BBS9: variants seen among roughly 807,000 people sequenced by gnomAD.
BBS9 encodes Bardet-Biedl syndrome 9, also known as protein PTHB1.
A neutral mutation model predicts 117.7 loss-of-function variants in BBS9; 89 were observed. The ratio of observed to expected loss-of-function variants is 0.76; its 90% CI spans 0.64 to 0.90. The LOEUF is 0.90. BBS9 is among the 40% of genes least tolerant of loss of function. The pLI, the probability that BBS9 is intolerant of heterozygous loss-of-function variation, is 0.00. For synonymous variants in BBS9, 379 were observed against 370.9 expected (o/e 1.02, Z -0.25); for missense variants, 982 against 1,042.2 (o/e 0.94, Z 0.80).
At chr7:33,136,906 A>G (rs1300263740) in intron 1 of BBS9, among the ~76,000 whole-genome samples, 1 of 151,956 alleles carries the variant, frequency 6.6e-6, no homozygotes, top group Non-Finnish European at 1.5e-5. Flanking sequence ...ATTTTGCTTT[A>G]ATTGTTTAGT....
chr7:33,499,103 A>G (rs1845112897), intron 19 of BBS9, among the ~76,000 whole-genome samples: 1 of 152,218 alleles, frequency 6.6e-6, no homozygotes, highest in Non-Finnish European at 1.5e-5. Flanking sequence ...TCATAATGCT[A>G]TTTTATAGAT....
At chr7:33,545,521 CT>C (rs1853165699) in intron 21 of BBS9, among the ~76,000 whole-genome samples, 1 of 152,146 alleles carries the variant, frequency 6.6e-6, no homozygotes. Context: ...CCCTTTCCCA[CT>C]TCTGCAGTTG....
intron 21 of BBS9, among the ~76,000 whole-genome samples, chr7:33,535,239 C>A (rs1374211411): frequency 6.6e-6 from 1 of 152,084 alleles, no homozygotes; most frequent in Non-Finnish European, 1.5e-5. Context: ...TCATGTCTTC[C>A]TAAAAAAATG....
intron 19 of BBS9, among the ~76,000 whole-genome samples, chr7:33,407,301 TTC>T (rs1830206700): frequency 6.6e-6 from 1 of 152,218 alleles, no homozygotes; most frequent in Non-Finnish European, 1.5e-5. Flanking sequence ...CTTTAAGCAC[TTC>T]TCTGTATTGG....
At chr7:33,197,178 T>G (rs548499442) in intron 5 of BBS9, among the ~76,000 whole-genome samples, 95 of 152,288 alleles carry the variant, frequency 6.2e-4, no homozygotes, top group African/African-American at 2.3e-3. Context: ...ATGCTTGTGG[T>G]CAGCACTGCC....
intron 9 of BBS9, among the ~76,000 whole-genome samples, chr7:33,299,509 A>T (rs1180131616): frequency 6.6e-6 from 1 of 150,556 alleles, no homozygotes; most frequent in Non-Finnish European, 1.5e-5. Context: ...ACTTATTATG[A>T]TAATGTTCTC....
chr7:33,414,840 A>G (rs1831717951), intron 19 of BBS9, among the ~76,000 whole-genome samples: 1 of 48,972 alleles, frequency 2.0e-5, no homozygotes, highest in South Asian at 1.1e-3. Flanking sequence ...GTATATTTGT[A>G]AGTGTTCCTA....
At chr7:33,478,033 G>A (rs1842035900) in intron 19 of BBS9, among the ~76,000 whole-genome samples, 1 of 152,068 alleles carries the variant, frequency 6.6e-6, no homozygotes, top group South Asian at 2.1e-4. Flanking sequence ...TAAAGGGAAG[G>A]AAATTGTATG....
At chr7:33,492,359 A>G (rs944930047) in intron 19 of BBS9, among the ~76,000 whole-genome samples, 2 of 152,242 alleles carry the variant, frequency 1.3e-5, no homozygotes, top group African/African-American at 4.8e-5. Context: ...TTAATCTTCA[A>G]GCCACGTAAT....
chr7:33,408,884 T>G (rs923305777), intron 19 of BBS9, among the ~76,000 whole-genome samples: 2 of 152,204 alleles, frequency 1.3e-5, no homozygotes, highest in Admixed American at 6.5e-5. Flanking sequence ...TTTTTTGACT[T>G]TTTAACAAAA....
rs575519501 is a variant in BBS9 at position 33,580,609 on chromosome 7, C to T, written c.2522-24256C>T. 2.0e-5 allele frequency among the ~76,000 whole-genome samples: 3 copies of T among 152,214 alleles called. No individual in the cohort carries two copies. The South Asian group carries it at 6.2e-4, about 32-fold the overall frequency. On this transcript the variant is annotated intron_variant, in intron 21 of 22. Coordinates refer to ENST00000242067, the MANE Select transcript of BBS9 (RefSeq NM_198428.3). ...AGACCAGAGAAAACATCAAAGAACC[C>T]TACAAGAGGCTGAACCAGAGAATAT...
intron 9 of BBS9, among the ~76,000 whole-genome samples, chr7:33,306,457 T>G (rs1166513918): frequency 1.3e-5 from 2 of 152,070 alleles, no homozygotes; most frequent in Admixed American, 6.5e-5. Flanking sequence ...ACGGAAAATA[T>G]GAAACTTTAT....
chr7:33,602,603 C>CTGT (rs1268962780), intron 21 of BBS9, among the ~76,000 whole-genome samples: 1 of 152,186 alleles, frequency 6.6e-6, no homozygotes, highest in African/African-American at 2.4e-5. Flanking sequence ...TGGCGCATGC[C>CTGT]TGTAATCACA....
intron 19 of BBS9, among the ~76,000 whole-genome samples, chr7:33,425,588 ACAGTCTAGT>A (rs1160495633): frequency 1.3e-5 from 2 of 152,038 alleles, no homozygotes; most frequent in African/African-American, 2.4e-5. Flanking sequence ...TTTTTGAGAG[ACAGTCTAGT>A]CAGGTGATGG....
chr7:33,529,128 G>C (rs1386377166), intron 20 of BBS9, among the ~76,000 whole-genome samples: 1 of 152,178 alleles, frequency 6.6e-6, no homozygotes, highest in Non-Finnish European at 1.5e-5. Context: ...TTAAAGAGCT[G>C]GCTCACAGAA....
At chr7:33,285,049 TCTTTA>T (rs1412739476) in intron 9 of BBS9, among the ~76,000 whole-genome samples, 1 of 152,196 alleles carries the variant, frequency 6.6e-6, no homozygotes, top group Non-Finnish European at 1.5e-5. Context: ...TAATCTCTGT[TCTTTA>T]CTTGGACAAT....
chr7:33,243,949 C>A (rs1033366289), intron 5 of BBS9, among the ~76,000 whole-genome samples: 2 of 152,100 alleles, frequency 1.3e-5, no homozygotes, highest in Non-Finnish European at 2.9e-5. Flanking sequence ...TGGGGCCAGG[C>A]GGAGTGGCTC....
chr7:33,205,446 G>A (rs1786724132), intron 5 of BBS9, among the ~76,000 whole-genome samples: 1 of 152,114 alleles, frequency 6.6e-6, no homozygotes, highest in Admixed American at 6.5e-5. Context: ...TCCATTCCCA[G>A]TAAACTGACC....
At chr7:33,164,859 G>A (rs139018081) in intron 4 of BBS9, among the ~76,000 whole-genome samples, 14,453 of 152,168 alleles carry the variant, frequency 0.095, 746 homozygotes, top group South Asian at 0.13. Flanking sequence ...GTGTGAATTT[G>A]ATCCTGTCAT....
Sources: gnomAD v4.1 joint callset for allele counts (sites outside exome capture counted in the v4.1 genomes callset) on GRCh38, gnomAD v4.1.1 for gene constraint, MANE v1.5 for transcripts, NCBI Gene and HGNC (gene_info 2026-07-23, HGNC 2026-07-21) for gene names.